TUSC3: variants seen among roughly 807,000 people sequenced by gnomAD.
The protein encoded by TUSC3 is dolichyl-diphosphooligosaccharide--protein glycosyltransferase subunit TUSC3.
TUSC3 carries 45 observed loss-of-function variants against 44.8 expected under a neutral mutation model. That is an observed-to-expected ratio of 1.00 (90% CI 0.79 to 1.29). The LOEUF is 1.29. TUSC3 is among the 50% of genes most tolerant of loss of function. The probability of loss-of-function intolerance (pLI) is 0.00; values close to 1 mark genes in which losing one functional copy is unlikely to be tolerated. For missense variants in TUSC3, 519 were observed against 437.9 expected, an observed-to-expected ratio of 1.19 and a Z score of -1.65; for synonymous variants, 212 against 152.9, an observed-to-expected ratio of 1.39 and a Z score of -2.85.
At position 15,432,788 on chromosome 8, in the gene TUSC3, G is replaced by A. The variant is rs111530296; in HGVS notation, n.91+15483G>A. Among the ~76,000 whole-genome samples, 1,071 of 152,044 alleles carry A rather than the reference G, an allele frequency of 7.0e-3. 13 individuals carry two copies. Among genetic ancestry groups the A allele is most frequent in the African/African-American group, 0.024 (1,006 of 41,492 alleles). The stretch of plus-strand genomic sequence containing the variant: ...TTAGGTGAGGCAGGATAGCTAGAGC[G>A]GGTTAAAGTTCTGTTTTTTGCTTCC... On this transcript the variant is annotated intron_variant and non_coding_transcript_variant, in intron 1 of 5. Coordinates refer to the TUSC3 transcript ENST00000503191.
At chr8:15,435,187 T>C (rs1799930305) in intron 1 of TUSC3, among the ~76,000 whole-genome samples, 1 of 151,230 alleles carries the variant, frequency 6.6e-6, no homozygotes. Flanking sequence ...CCACATCCTC[T>C]CCAGCACCTG....
At chr8:15,682,869 G>C (rs1185645755) in intron 6 of TUSC3, among the ~76,000 whole-genome samples, 15 of 150,618 alleles carry the variant, frequency 1.0e-4, no homozygotes, top group Admixed American at 9.9e-4. Flanking sequence ...TTCTCTTAGT[G>C]ATTGATTCTC....
At chr8:15,573,884 T>C (rs533411964) in intron 1 of TUSC3, among the ~76,000 whole-genome samples, 3 of 152,160 alleles carry the variant, frequency 2.0e-5, no homozygotes, top group Middle Eastern at 3.4e-3. Flanking sequence ...TTCCTGACAG[T>C]TCCAAATATG....
chr8:15,620,477 C>T (rs543129685), intron 1 of TUSC3, among the ~76,000 whole-genome samples: 59 of 152,050 alleles, frequency 3.9e-4, no homozygotes, highest in Non-Finnish European at 7.4e-4. Flanking sequence ...ACTGTGTACC[C>T]TGAAATCTGT....
Position 15,573,230 on chromosome 8 carries a change from A to ATATATAT in TUSC3, c.138+32662_138+32663insTATATAT, listed in dbSNP as rs1491232177. 1.2e-3 allele frequency among the ~76,000 whole-genome samples: 129 copies of ATATATAT among 105,888 alleles called. 3 individuals are homozygous for ATATATAT. The highest frequency in any genetic ancestry group is 4.3e-3 in the African/African-American group (110 of 25,758). The allele number at this position is 105,888 out of a possible 152,430, so 69.5% of individuals were successfully genotyped here. On this transcript the variant is annotated intron_variant, in intron 1 of 10. Coordinates refer to ENST00000503731, the MANE Select transcript of TUSC3 (RefSeq NM_006765.4). ...TATATATATATATATATATATATAT[A>ATATATAT]AAAGTTTTTTTTTTTTTGGGCATAC...
chr8:15,453,547 C>G (rs978289872), intron 1 of TUSC3, among the ~76,000 whole-genome samples: 4 of 152,212 alleles, frequency 2.6e-5, no homozygotes, highest in Non-Finnish European at 5.9e-5. Context: ...TCACTTTCTT[C>G]TCCCATCTAG....
intron 1 of TUSC3, among the ~76,000 whole-genome samples, chr8:15,447,518 A>G (rs1434610664): frequency 6.6e-6 from 1 of 152,198 alleles, no homozygotes; most frequent in African/African-American, 2.4e-5. Flanking sequence ...AAATGGAAAC[A>G]CTCAAAACCG....
chr8:15,748,298 T>C (rs985775131), intron 8 of TUSC3, 77 bp from the exon 9 acceptor site: 4 of 1,064,244 alleles, frequency 3.8e-6, no homozygotes, highest in East Asian at 4.7e-5. Flanking sequence ...TGTAATTGAA[T>C]GCATTTAAAA....
At chr8:15,438,262 T>C (rs1447317625) in intron 1 of TUSC3, among the ~76,000 whole-genome samples, 1 of 152,064 alleles carries the variant, frequency 6.6e-6, no homozygotes, top group Non-Finnish European at 1.5e-5. Flanking sequence ...GCCCAGCTAA[T>C]TTTTGTACTT....
At chr8:15,760,542 A>G (rs1812129436) in intron 10 of TUSC3, among the ~76,000 whole-genome samples, 1 of 152,170 alleles carries the variant, frequency 6.6e-6, no homozygotes, top group African/African-American at 2.4e-5. Context: ...TTTATCCTAC[A>G]AACTAAGAAT....
chr8:15,485,855 C>T (rs916789247), intron 2 of TUSC3, among the ~76,000 whole-genome samples: 11 of 152,046 alleles, frequency 7.2e-5, no homozygotes, highest in African/African-American at 1.7e-4. Context: ...TGCAATGGTG[C>T]GATGTCACCT....
At chr8:15,521,080 A>T (rs1204896317) in intron 2 of TUSC3, among the ~76,000 whole-genome samples, 1 of 152,210 alleles carries the variant, frequency 6.6e-6, no homozygotes. Flanking sequence ...TAGGACTTAC[A>T]TACAGGGCAT....
chr8:15,796,276 G>A, the TUSC3 span, among the ~76,000 whole-genome samples: 1 of 152,050 alleles, frequency 6.6e-6, no homozygotes, highest in Non-Finnish European at 1.5e-5. Context: ...ACAGACTCAT[G>A]TGGTGTATCT....
At chr8:15,610,803 CT>C (rs1317938233) in intron 1 of TUSC3, among the ~76,000 whole-genome samples, 3 of 152,096 alleles carry the variant, frequency 2.0e-5, no homozygotes, top group African/African-American at 7.2e-5. Flanking sequence ...GCTTGAGGGC[CT>C]CTCAGGAGCC....
At chr8:15,816,291 G>A in the TUSC3 span, among the ~76,000 whole-genome samples, 1 of 152,110 alleles carries the variant, frequency 6.6e-6, no homozygotes, top group East Asian at 1.9e-4. Context: ...CTCATTCTTT[G>A]AGTTGGGCCA....
In TUSC3 at chr8:15,674,430, T is replaced by G. The variant is rs79031049; in HGVS notation, c.798+594T>G. On this transcript the variant is annotated intron_variant, in intron 6 of 10. Coordinates refer to ENST00000503731, the MANE Select transcript of TUSC3 (RefSeq NM_006765.4). ...AATCAACATAGAAACATACTGTCTTTGAGACAGTATTAGGATAGTGAAGAT... is the reference window on the plus strand; with the variant it reads ...AATCAACATAGAAACATACTGTCTTGGAGACAGTATTAGGATAGTGAAGAT... Among the ~76,000 whole-genome samples, 737 of 152,102 alleles carry G rather than the reference T, an allele frequency of 4.8e-3. 17 individuals are homozygous for G. In the East Asian group the frequency reaches 0.071, roughly 15 times the overall value.
intron 2 of TUSC3, among the ~76,000 whole-genome samples, chr8:15,641,361 CAAAA>C (rs34446791): frequency 5.0e-5 from 5 of 99,472 alleles, no homozygotes; most frequent in Non-Finnish European, 4.0e-5. Context: ...GACTCCGTCT[CAAAA>C]AAAAAAAAAA....
chr8:15,675,013 T>C (rs1191536966), intron 6 of TUSC3, among the ~76,000 whole-genome samples: 2 of 152,056 alleles, frequency 1.3e-5, no homozygotes, highest in African/African-American at 4.8e-5. Flanking sequence ...ATACTCTGTC[T>C]CCCTCTCCTG....
At chr8:15,531,449 G>T (rs11780568) in intron 2 of TUSC3, among the ~76,000 whole-genome samples, 2,575 of 152,102 alleles carry the variant, frequency 0.017, 44 homozygotes, top group East Asian at 0.087. Context: ...ACAGGGTTTC[G>T]CCACGTTGGC....
Sources: allele counts gnomAD v4.1 joint callset (sites outside exome capture counted in the v4.1 genomes callset), GRCh38; gene constraint gnomAD v4.1.1; transcripts MANE v1.5; gene names NCBI Gene and HGNC (gene_info 2026-07-23, HGNC 2026-07-21).